Variants in GABRA3 observed in about 807,000 individuals in gnomAD.
GABRA3 encodes gamma-aminobutyric acid type A receptor subunit alpha3, also known as gamma-aminobutyric acid receptor subunit alpha-3.
Under a neutral mutation model 30.1 loss-of-function variants are expected in GABRA3, and 10 were observed. The ratio of observed to expected loss-of-function variants is 0.33; its 90% confidence interval spans 0.20 to 0.56. GABRA3 has a LOEUF of 0.56. Among genes scored for constraint, GABRA3 ranks in the 20% least tolerant of loss-of-function variants. The pLI is 0.89. For synonymous variants in GABRA3, 151 were observed against 146.8 expected (o/e 1.03, Z -0.21); for missense variants, 233 against 392.0 (o/e 0.59, Z 3.42).
rs73623085 is a variant in GABRA3, at chrX:152,332,835, T to A, written c.262+12746A>T. Among the ~76,000 whole-genome samples the A allele has an allele frequency of 7.8e-3, 877 of 112,404 alleles. 11 individuals are homozygous for A. Among genetic ancestry groups the A allele is most frequent in the African/African-American group, 0.027 (842 of 30,979 alleles). ...GTGTTTTTGCTTTAACCCACAAGCA[T>A]CATCTTGCTTCTCATTTTAAAATTT... is the stretch of plus-strand genomic sequence containing the variant. On this transcript the variant is annotated intron_variant, in intron 3 of 9. Coordinates refer to ENST00000370314, the MANE Select transcript of GABRA3 (RefSeq NM_000808.4).
chrX:152,252,908 T>A lies in GABRA3; in HGVS notation c.551+2870A>T, dbSNP rs770640466. Reference sequence around the variant, plus strand: ...GTATTGGCTCTTGAGGGGCTTCCCATCCTCTCTCAGAGCTGACACATACTA... The same window carrying A: ...GTATTGGCTCTTGAGGGGCTTCCCAACCTCTCTCAGAGCTGACACATACTA... On this transcript the variant is annotated intron_variant, in intron 5 of 9. Transcript: ENST00000370314. 5.2e-4 allele frequency among the ~76,000 whole-genome samples: 58 copies of A among 111,619 alleles called. 1 individual carries two copies. Among genetic ancestry groups the A allele is most frequent in the African/African-American group, 1.8e-3 (55 of 30,779 alleles).
At chrX:152,175,750 G>C (rs915802147) in intron 9 of GABRA3, among the ~76,000 whole-genome samples, 4 of 111,362 alleles carry the variant, frequency 3.6e-5, no homozygotes, top group Non-Finnish European at 7.5e-5. Flanking sequence ...CCTGGGCTTG[G>C]AATGAAAGTG....
intron 4 of GABRA3, among the ~76,000 whole-genome samples, chrX:152,280,424 T>G (rs1939178808): frequency 9.0e-6 from 1 of 111,581 alleles, no homozygotes; most frequent in African/African-American, 3.3e-5. Context: ...CTACTTTTTC[T>G]AGCACTAGAG....
intron 1 of GABRA3, among the ~76,000 whole-genome samples, chrX:152,382,309 G>A (rs1332525299): frequency 1.8e-5 from 2 of 112,251 alleles, no homozygotes; most frequent in Non-Finnish European, 3.8e-5. Flanking sequence ...GGAGAAACAG[G>A]AATGCTTTTA....
chrX:152,409,475 G>T (rs1329074163), intron 1 of GABRA3, among the ~76,000 whole-genome samples: 1 of 111,885 alleles, frequency 8.9e-6, no homozygotes, highest in African/African-American at 3.3e-5. Flanking sequence ...AAGATTTATT[G>T]ACTAAGACCT....
At chrX:152,415,595 A>G (rs971219257) in intron 1 of GABRA3, among the ~76,000 whole-genome samples, 2 of 111,105 alleles carry the variant, frequency 1.8e-5, no homozygotes, top group Non-Finnish European at 3.8e-5. Context: ...ATAGACATAG[A>G]GACACACAAA....
chrX:152,337,422 C>G (rs1940250022), intron 3 of GABRA3, among the ~76,000 whole-genome samples: 1 of 111,702 alleles, frequency 9.0e-6, no homozygotes, highest in Non-Finnish European at 1.9e-5. Flanking sequence ...ATGGGATCCA[C>G]TATTTTAAGG....
chrX:152,325,386 C>G (rs975165732), intron 3 of GABRA3, among the ~76,000 whole-genome samples: 1 of 111,490 alleles, frequency 9.0e-6, no homozygotes, highest in South Asian at 3.8e-4. Flanking sequence ...TGAGAACGGA[C>G]AGACTGCCTC....
At chrX:152,379,825 C>T (rs755867575) in intron 1 of GABRA3, among the ~76,000 whole-genome samples, 2 of 110,469 alleles carry the variant, frequency 1.8e-5, no homozygotes, top group South Asian at 7.8e-4. Flanking sequence ...TTGTTGTATA[C>T]ATTTATGGGG....
intron 4 of GABRA3, among the ~76,000 whole-genome samples, chrX:152,274,246 T>C (rs1273239849): frequency 8.1e-5 from 9 of 111,650 alleles, no homozygotes; most frequent in Non-Finnish European, 1.7e-4. Flanking sequence ...AGACTCACGA[T>C]AAGTGAAAGA....
intron 1 of GABRA3, among the ~76,000 whole-genome samples, chrX:152,444,374 G>C (rs1931010777): frequency 1.8e-5 from 2 of 111,626 alleles, no homozygotes; most frequent in African/African-American, 6.5e-5. Context: ...TTAAACATTT[G>C]AATGGCCACT....
chrX:152,191,560 AAGTGGGGCAT>A (rs1937325671), intron 8 of GABRA3, among the ~76,000 whole-genome samples: 1 of 108,334 alleles, frequency 9.2e-6, no homozygotes, highest in Admixed American at 1.0e-4. Context: ...AGCCTGGGTC[AAGTGGGGCAT>A]GGAATGAATT....
At chrX:152,384,337 T>C (rs1929238440) in intron 1 of GABRA3, among the ~76,000 whole-genome samples, 1 of 111,318 alleles carries the variant, frequency 9.0e-6, no homozygotes, top group Admixed American at 9.6e-5. Context: ...CTTACCAAAA[T>C]ACCAATGACA....
intron 1 of GABRA3, among the ~76,000 whole-genome samples, chrX:152,440,839 A>G (rs1231309215): frequency 9.0e-6 from 1 of 110,630 alleles, no homozygotes; most frequent in African/African-American, 3.3e-5. Context: ...CAGGGAGGGG[A>G]ACATCACACA....
chrX:152,298,479 G>T (rs1939573096), intron 3 of GABRA3, among the ~76,000 whole-genome samples: 1 of 108,340 alleles, frequency 9.2e-6, no homozygotes, highest in African/African-American at 3.4e-5. Flanking sequence ...GCGGTGTTTG[G>T]TTTTTTGTCC....
intron 1 of GABRA3, among the ~76,000 whole-genome samples, chrX:152,415,860 G>A (rs951408431): frequency 1.9e-4 from 21 of 110,988 alleles, no homozygotes; most frequent in South Asian, 3.8e-4. Context: ...AAAATGCCCA[G>A]CATTCAAACA....
intron 1 of GABRA3, chrX:152,393,501 G>A (rs758874697): frequency 2.7e-6 from 1 of 376,372 alleles, no homozygotes; most frequent in East Asian, 7.6e-5. Context: ...CAACCATGGT[G>A]CATGAGCAAA....
At chrX:152,321,297 G>A (rs1405562124) in intron 3 of GABRA3, among the ~76,000 whole-genome samples, 1 of 111,877 alleles carries the variant, frequency 8.9e-6, no homozygotes, top group Non-Finnish European at 1.9e-5. Flanking sequence ...GATTGTCCTA[G>A]TTCCACCAGT....
chrX:152,441,285 T>C (rs772512855), intron 1 of GABRA3, among the ~76,000 whole-genome samples: 9 of 111,315 alleles, frequency 8.1e-5, no homozygotes, highest in Non-Finnish European at 1.3e-4. Context: ...TGGGACTAAA[T>C]CTAATATGTA....
Sources: allele counts gnomAD v4.1 joint callset (sites outside exome capture counted in the v4.1 genomes callset), GRCh38; gene constraint gnomAD v4.1.1; transcripts MANE v1.5; gene names NCBI Gene and HGNC (gene_info 2026-07-23, HGNC 2026-07-21).